Variants in RALGPS1 observed in about 807,000 individuals in gnomAD.
RALGPS1 encodes the protein ras-specific guanine nucleotide-releasing factor RalGPS1.
RALGPS1 carries 19 observed loss-of-function variants against 78.8 expected under a neutral mutation model. The observed-to-expected ratio is 0.24, with a 90% CI of 0.17 to 0.35. The LOEUF (loss-of-function observed/expected upper bound fraction) is 0.35. RALGPS1 is among the 10% of genes least tolerant of loss of function. The probability of loss-of-function intolerance (pLI) is 1.00; values close to 1 mark genes in which losing one functional copy is unlikely to be tolerated. For synonymous variants in RALGPS1, 228 were observed against 256.3 expected (o/e 0.89, Z 1.06); for missense variants, 454 against 688.3 (o/e 0.66, Z 3.81).
chr9:127,203,860 G>A (rs954342446), intron 14 of RALGPS1, among the ~76,000 whole-genome samples: 2 of 152,222 alleles, frequency 1.3e-5, no homozygotes, highest in Non-Finnish European at 2.9e-5. Flanking sequence ...CCTGGGACCT[G>A]AAGAGGCTGT....
chr9:127,163,987 A>G (rs1240320531), intron 8 of RALGPS1, among the ~76,000 whole-genome samples: 1 of 152,128 alleles, frequency 6.6e-6, no homozygotes, highest in Non-Finnish European at 1.5e-5. Flanking sequence ...TAGATTCTTC[A>G]AACAGATTTT....
At chr9:127,026,743 C>G (rs2045994584) in intron 4 of RALGPS1, among the ~76,000 whole-genome samples, 1 of 152,144 alleles carries the variant, frequency 6.6e-6, no homozygotes. Context: ...TGGCTTTTCT[C>G]CTGAGGGGAG....
chr9:126,999,667 T>G (rs570994314), intron 4 of RALGPS1, among the ~76,000 whole-genome samples: 2 of 152,346 alleles, frequency 1.3e-5, no homozygotes, highest in Non-Finnish European at 2.9e-5. Flanking sequence ...GCTCATTTCT[T>G]TTTAGTGCTG....
chr9:127,093,494 C>T (rs2052733263), intron 8 of RALGPS1, among the ~76,000 whole-genome samples: 1 of 152,198 alleles, frequency 6.6e-6, no homozygotes, highest in Non-Finnish European at 1.5e-5. Flanking sequence ...TGACTCTTGT[C>T]CTGCAGCAGT....
At chr9:127,020,740 G>A (rs1242222358) in intron 4 of RALGPS1, among the ~76,000 whole-genome samples, 1 of 152,232 alleles carries the variant, frequency 6.6e-6, no homozygotes, top group African/African-American at 2.4e-5. Context: ...GTGAGTGTGG[G>A]CATAGCTACC....
intron 8 of RALGPS1, among the ~76,000 whole-genome samples, chr9:127,162,458 T>A (rs2059075658): frequency 6.6e-6 from 1 of 152,248 alleles, no homozygotes; most frequent in Admixed American, 6.5e-5. Flanking sequence ...TGTGCAGCGT[T>A]AACTGTAGGA....
intron 1 of RALGPS1, among the ~76,000 whole-genome samples, chr9:126,944,140 C>G (rs2037035716): frequency 6.6e-6 from 1 of 152,258 alleles, no homozygotes; most frequent in African/African-American, 2.4e-5. Context: ...GTGTATGGGA[C>G]ATGCAGGCCT....
Position 126,986,614 on chromosome 9 carries a change from A to G in RALGPS1, c.216+8869A>G, listed in dbSNP as rs1053383765. On this transcript the variant is annotated intron_variant, in intron 4 of 18. Transcript: ENST00000259351. ...GGAGTTGAAGGCGCAGCAGTGTCTC[A>G]GAGGCTGGTCTAAATGTCAGAACTG... 2.4e-4 allele frequency among the ~76,000 whole-genome samples: 37 copies of G among 152,356 alleles called. 1 individual carries two copies. The highest frequency in any genetic ancestry group is 1.0e-4 in the Non-Finnish European group (7 of 68,036).
intron 5 of RALGPS1, among the ~76,000 whole-genome samples, chr9:127,047,474 G>C (rs1448480570): frequency 6.6e-6 from 1 of 152,164 alleles, no homozygotes; most frequent in Non-Finnish European, 1.5e-5. Flanking sequence ...CGAGGCAGGT[G>C]GATCACCTGA....
intron 8 of RALGPS1, chr9:127,108,865 G>T: frequency 3.0e-6 from 3 of 1,009,390 alleles, no homozygotes; most frequent in Non-Finnish European, 2.8e-6. Flanking sequence ...CTTCTCGCCA[G>T]GCAGGCAGAG....
intron 8 of RALGPS1, among the ~76,000 whole-genome samples, chr9:127,159,497 C>T (rs750656339): frequency 3.9e-5 from 6 of 152,226 alleles, no homozygotes; most frequent in Non-Finnish European, 7.3e-5. Context: ...TGACTGCCTG[C>T]GCCTGCCCCC....
intron 4 of RALGPS1, among the ~76,000 whole-genome samples, chr9:127,025,445 G>A (rs913216221): frequency 6.6e-6 from 1 of 152,142 alleles, no homozygotes; most frequent in Non-Finnish European, 1.5e-5. Flanking sequence ...GAGATTGCTG[G>A]GGCAGTTGAT....
At chr9:126,916,247 G>GT (rs2034147259) in intron 1 of RALGPS1, among the ~76,000 whole-genome samples, 2 of 152,194 alleles carry the variant, frequency 1.3e-5, no homozygotes. Flanking sequence ...TTGGGATGAG[G>GT]TTTTGTTGGG....
At chr9:127,007,832 C>T (rs2043981278) in intron 4 of RALGPS1, among the ~76,000 whole-genome samples, 1 of 151,780 alleles carries the variant, frequency 6.6e-6, no homozygotes, top group Non-Finnish European at 1.5e-5. Flanking sequence ...AGCAGTAAGA[C>T]ATTGGAGGGT....
intron 8 of RALGPS1, among the ~76,000 whole-genome samples, chr9:127,075,378 G>T (rs1044607855): frequency 6.6e-6 from 1 of 152,218 alleles, no homozygotes; most frequent in African/African-American, 2.4e-5. Flanking sequence ...GGTTTACCAT[G>T]GGGTGCCGTA....
chr9:126,998,820 A>G (rs977040315), intron 4 of RALGPS1, among the ~76,000 whole-genome samples: 4 of 151,794 alleles, frequency 2.6e-5, no homozygotes, highest in African/African-American at 7.3e-5. Context: ...CATATACACC[A>G]TGGAATACTA....
intron 1 of RALGPS1, among the ~76,000 whole-genome samples, chr9:126,937,592 A>G (rs1268301506): frequency 6.6e-6 from 1 of 152,198 alleles, no homozygotes; most frequent in Non-Finnish European, 1.5e-5. Context: ...TGTTCCTTAT[A>G]TCTTGCCACT....
chr9:127,086,136 G>T (rs1355978409), intron 8 of RALGPS1, among the ~76,000 whole-genome samples: 1 of 152,018 alleles, frequency 6.6e-6, no homozygotes, highest in East Asian at 1.9e-4. Context: ...ACACACACAC[G>T]CCTGTTTCTA....
intron 8 of RALGPS1, among the ~76,000 whole-genome samples, chr9:127,109,062 G>T (rs770825972): frequency 6.6e-6 from 1 of 152,170 alleles, no homozygotes; most frequent in South Asian, 2.1e-4. Flanking sequence ...TCCAATGCCC[G>T]CAGCCCCCTT....
Sources: allele counts gnomAD v4.1 joint callset (sites outside exome capture counted in the v4.1 genomes callset), GRCh38; gene constraint gnomAD v4.1.1; transcripts MANE v1.5; gene names NCBI Gene and HGNC (gene_info 2026-07-23, HGNC 2026-07-21).